SPAG17: variants seen among roughly 807,000 people sequenced by gnomAD.
The protein encoded by SPAG17 is sperm associated antigen 17, also known as sperm-associated antigen 17.
Under a neutral mutation model 273.6 loss-of-function variants are expected in SPAG17, and 169 were observed. That is an observed-to-expected ratio of 0.62 (90% CI 0.55 to 0.70). The LOEUF is 0.70. SPAG17 is among the 30% of genes least tolerant of loss of function. SPAG17 has a pLI of 0.00. For missense variants in SPAG17, 2,557 were observed against 2,627.8 expected (o/e 0.97, Z 0.59); for synonymous variants, 825 against 873.2 (o/e 0.94, Z 0.97).
intron 25 of SPAG17, among the ~76,000 whole-genome samples, chr1:118,029,244 A>G (rs925257176): frequency 6.6e-6 from 1 of 152,172 alleles, no homozygotes; most frequent in Non-Finnish European, 1.5e-5. Context: ...TAAATAAAAT[A>G]AAGTAAAATA....
intron 32 of SPAG17, among the ~76,000 whole-genome samples, chr1:118,002,646 C>T (rs1376916596): frequency 6.6e-6 from 1 of 151,916 alleles, no homozygotes; most frequent in East Asian, 1.9e-4. Flanking sequence ...GGATTGCAAC[C>T]CCTGCTTTTT....
chr1:117,982,243 T>A (rs889729498), intron 42 of SPAG17, among the ~76,000 whole-genome samples: 2 of 127,522 alleles, frequency 1.6e-5, no homozygotes, highest in African/African-American at 5.6e-5. Flanking sequence ...ATCTGCTTAT[T>A]TTTTTTTTTT....
chr1:118,090,412 CAT>C (rs1314615797), intron 10 of SPAG17, among the ~76,000 whole-genome samples: 1 of 152,032 alleles, frequency 6.6e-6, no homozygotes, highest in Non-Finnish European at 1.5e-5. Context: ...ATGGGTTAAA[CAT>C]GTAAATAAAT....
intron 7 of SPAG17, among the ~76,000 whole-genome samples, chr1:118,094,558 A>G (rs1379894117): frequency 1.3e-5 from 2 of 152,216 alleles, no homozygotes; most frequent in Non-Finnish European, 2.9e-5. Flanking sequence ...CCTTGGATGG[A>G]TCCTATCTTG....
rs1165078674 is a variant in SPAG17, at chr1:118,115,455, C to G, written c.316-14G>C. ...TGCCGTTAACACCTATACAGAAACA[C>G]AATTATTAGAAAAAGTGATGTTTTA... On this transcript the variant is annotated splice_polypyrimidine_tract_variant and intron_variant, in intron 3 of 48. Transcript: ENST00000336338. 1 of 1,594,710 alleles carries G rather than the reference C, an allele frequency of 6.3e-7. No individual in the cohort carries two copies. Among genetic ancestry groups the G allele is most frequent in the East Asian group, 2.2e-5 (1 of 44,480 alleles).
intron 26 of SPAG17, among the ~76,000 whole-genome samples, chr1:118,027,258 G>A (rs941799100): frequency 3.9e-5 from 6 of 152,050 alleles, no homozygotes; most frequent in African/African-American, 1.4e-4. Context: ...AGGGTCCATG[G>A]GCTATTTTTA....
intron 10 of SPAG17, among the ~76,000 whole-genome samples, chr1:118,090,385 G>A (rs1240446503): frequency 1.3e-5 from 2 of 151,846 alleles, no homozygotes; most frequent in African/African-American, 2.4e-5. Context: ...AGTAAATAAT[G>A]GAAATCAAAA....
intron 25 of SPAG17, among the ~76,000 whole-genome samples, chr1:118,029,440 A>AT (rs1648169058): frequency 1.3e-5 from 2 of 152,094 alleles, no homozygotes; most frequent in East Asian, 1.9e-4. Flanking sequence ...TCTCCAACAT[A>AT]TTTTTTGGTG....
chr1:118,089,702 G>A (rs1017557709), intron 10 of SPAG17, among the ~76,000 whole-genome samples: 10 of 152,172 alleles, frequency 6.6e-5, no homozygotes, highest in Non-Finnish European at 7.3e-5. Flanking sequence ...TAGGTTTTAA[G>A]TCATTTCTGC....
rs1656110113 is a variant in SPAG17, at chr1:117,983,892, A to G, written c.5791T>C (p.Ser1931Pro). The G allele has an allele frequency of 6.2e-7, 1 of 1,611,234 alleles. No individual in the cohort carries two copies. The highest frequency in any genetic ancestry group is 8.5e-7 in the Non-Finnish European group (1 of 1,178,124). ...TTTGTAAAAGAAGGCAGTTTTTTGG[A>G]AAGACTGTCCAGGTGATTATACTGA... Reference protein sequence around the residue: ...QSQYNHLDSLSKKLPSFTKKN... With the variant: ...QSQYNHLDSLPKKLPSFTKKN... The change falls in exon 42 of 49, where the codon TCC becomes CCC. Residue 1931 changes from serine to proline, a missense_variant. Ser to Pro is a moderately conservative substitution (Grantham distance 74, BLOSUM62 -1). Transcript: ENST00000336338.
At chr1:117,987,207 C>T (rs192082074) in intron 40 of SPAG17, among the ~76,000 whole-genome samples, 1 of 152,104 alleles carries the variant, frequency 6.6e-6, no homozygotes, top group Non-Finnish European at 1.5e-5. Flanking sequence ...ACAGTATATC[C>T]CTTCTAGTTT....
At chr1:118,146,683 G>C (rs924178948) in intron 3 of SPAG17, among the ~76,000 whole-genome samples, 1 of 152,084 alleles carries the variant, frequency 6.6e-6, no homozygotes, top group Non-Finnish European at 1.5e-5. Context: ...CCTATCCAAG[G>C]GGTAGACCAG....
rs558104908 is a variant in SPAG17, at chr1:118,056,549, A to G, written c.2541-635T>C. Among the ~76,000 whole-genome samples the G allele has an allele frequency of 2.0e-5, 3 of 152,350 alleles. No homozygotes were observed. The East Asian group carries it at 5.8e-4, about 29-fold the overall frequency. On this transcript the variant is annotated intron_variant, in intron 18 of 48. Coordinates refer to ENST00000336338, the MANE Select transcript of SPAG17 (RefSeq NM_206996.4). ...TATACTGACTAGTGTAATTATTTAA[A>G]TTAAATATTATATACACTTATATGA...
chr1:117,963,568 GT>G (rs997676162), intron 48 of SPAG17: 3 of 276,858 alleles, frequency 1.1e-5, no homozygotes, highest in Non-Finnish European at 1.4e-5. Flanking sequence ...GTTTCACCAA[GT>G]TAGCCAGGAT....
chr1:118,136,123 C>T (rs1658340675), intron 3 of SPAG17, among the ~76,000 whole-genome samples: 1 of 152,112 alleles, frequency 6.6e-6, no homozygotes. Context: ...ATTTTGGACT[C>T]TAAAAACCAT....
intron 1 of SPAG17, among the ~76,000 whole-genome samples, chr1:118,169,848 A>T (rs191847689): frequency 1.3e-5 from 2 of 152,306 alleles, no homozygotes; most frequent in East Asian, 3.9e-4. Context: ...AGTTAAGCAC[A>T]ACTCAGCTAT....
intron 1 of SPAG17, among the ~76,000 whole-genome samples, chr1:118,174,864 A>G (rs2102400662): frequency 6.6e-6 from 1 of 152,344 alleles, no homozygotes; most frequent in Non-Finnish European, 1.5e-5. Context: ...TACATTCAGC[A>G]TAACTGTGCT....
chr1:118,025,149 C>T, intron 27 of SPAG17, 89 bp downstream of exon 27: 4 of 1,162,210 alleles, frequency 3.4e-6, no homozygotes, highest in Non-Finnish European at 3.6e-6. Flanking sequence ...TGAGTTGTTC[C>T]TTTTCCCTGT....
At chr1:118,105,902 G>A (rs538925198) in intron 4 of SPAG17, among the ~76,000 whole-genome samples, 1 of 152,262 alleles carries the variant, frequency 6.6e-6, no homozygotes, top group African/African-American at 2.4e-5. Context: ...GAGAATAACA[G>A]TGTTAATTCC....
Sources: allele counts gnomAD v4.1 joint callset (sites outside exome capture counted in the v4.1 genomes callset), GRCh38; gene constraint gnomAD v4.1.1; transcripts MANE v1.5; gene names NCBI Gene and HGNC (gene_info 2026-07-23, HGNC 2026-07-21).